Variants in RTF2 observed in about 807,000 individuals in gnomAD.
RTF2 encodes the protein replication termination factor 2, also known as UPF0549 protein C20orf43.
RTF2 carries 18 observed loss-of-function variants against 38.0 expected under a neutral mutation model. The observed-to-expected ratio is 0.47, with a 90% confidence interval of 0.33 to 0.70. The LOEUF (loss-of-function observed/expected upper bound fraction) is 0.70, where lower values mean the gene tolerates loss of function less well. RTF2 is among the 30% of genes least tolerant of loss of function. The pLI, the probability that RTF2 is intolerant of heterozygous loss-of-function variation, is 0.02. For synonymous variants in RTF2, 126 were observed against 137.1 expected (o/e 0.92, Z 0.57); for missense variants, 311 against 379.6 (o/e 0.82, Z 1.50).
chr20:56,481,801 T>C (rs1228942793), intron 4 of RTF2, among the ~76,000 whole-genome samples: 1 of 152,192 alleles, frequency 6.6e-6, no homozygotes, highest in Non-Finnish European at 1.5e-5. Flanking sequence ...CTCTGCCCAT[T>C]ACATAGGTAC....
intron 1 of RTF2, among the ~76,000 whole-genome samples, chr20:56,469,172 C>T (rs1448135328): frequency 6.6e-6 from 1 of 152,182 alleles, no homozygotes; most frequent in Non-Finnish European, 1.5e-5. Context: ...TATACACTAA[C>T]TTCATTTGCT....
chr20:56,480,385 A>C (rs897073264), intron 4 of RTF2, among the ~76,000 whole-genome samples: 1 of 152,232 alleles, frequency 6.6e-6, no homozygotes, highest in South Asian at 2.1e-4. Context: ...GCTCTGGGTT[A>C]GGCTTTGGCT....
At chr20:56,496,489 A>T in intron 5 of RTF2, 1 of 789,906 alleles carries the variant, frequency 1.3e-6, no homozygotes, top group Non-Finnish European at 1.9e-6. Context: ...TGGAGCTTGC[A>T]GTGAGCCGAG....
At chr20:56,481,437 A>G (rs934080970) in intron 4 of RTF2, among the ~76,000 whole-genome samples, 3 of 152,204 alleles carry the variant, frequency 2.0e-5, no homozygotes, top group Non-Finnish European at 1.5e-5. Flanking sequence ...TTAGGGTCCA[A>G]GGACCTTTTG....
At chr20:56,491,704 G>C in intron 5 of RTF2, 1 of 1,552,296 alleles carries the variant, frequency 6.4e-7, no homozygotes, top group South Asian at 1.2e-5. Flanking sequence ...GTTCGAATTT[G>C]TTGGCAAACA....
chr20:56,491,356 G>T, intron 5 of RTF2: 1 of 572,194 alleles, frequency 1.7e-6, no homozygotes, highest in Non-Finnish European at 3.1e-6. Context: ...GTGGTAGCTT[G>T]AGTTTTTTTG....
intron 5 of RTF2, among the ~76,000 whole-genome samples, chr20:56,503,317 A>G (rs1254435358): frequency 2.0e-5 from 3 of 152,206 alleles, no homozygotes; most frequent in Non-Finnish European, 2.9e-5. Context: ...TAAAACATGT[A>G]TAAATTATTT....
intron 5 of RTF2, among the ~76,000 whole-genome samples, chr20:56,489,971 T>C (rs1390652848): frequency 6.6e-6 from 1 of 152,214 alleles, no homozygotes; most frequent in Non-Finnish European, 1.5e-5. Flanking sequence ...GTCATGGGGC[T>C]CTTGTGTTCT....
At chr20:56,493,302 T>C (rs2146340057) in intron 5 of RTF2, among the ~76,000 whole-genome samples, 1 of 152,344 alleles carries the variant, frequency 6.6e-6, no homozygotes, top group South Asian at 2.1e-4. Context: ...AAATTTTACC[T>C]GATAGACATA....
chr20:56,516,917 TTCTC>T lies in RTF2; in HGVS notation c.592-16_592-13del. 6.2e-7 allele frequency: 1 copy of T among 1,612,802 alleles called. No homozygotes were observed. Among genetic ancestry groups the T allele is most frequent in the Non-Finnish European group, 8.5e-7 (1 of 1,178,868 alleles). On this transcript the variant is annotated splice_polypyrimidine_tract_variant and intron_variant, in intron 6 of 8. Coordinates refer to ENST00000357348, the MANE Select transcript of RTF2 (RefSeq NM_016407.5). Reference sequence around the variant, plus strand: ...GTGAATCTGAGCACAGCCTCCAACATTCTCTATCTTTTTGTAGAAAACAAAGAAA... The same window carrying T: ...GTGAATCTGAGCACAGCCTCCAACATTATCTTTTTGTAGAAAACAAAGAAA...
At chr20:56,488,390 G>A (rs1982904967) in intron 5 of RTF2, among the ~76,000 whole-genome samples, 1 of 150,636 alleles carries the variant, frequency 6.6e-6, no homozygotes, top group South Asian at 2.1e-4. Context: ...GTAGAGTACT[G>A]GAGTTGTGAT....
At chr20:56,507,811 A>G (rs1315192533) in intron 5 of RTF2, among the ~76,000 whole-genome samples, 1 of 152,140 alleles carries the variant, frequency 6.6e-6, no homozygotes, top group Non-Finnish European at 1.5e-5. Context: ...ACTGGGCCTT[A>G]ACTACCACCT....
rs780143354 is a variant in RTF2 at position 56,513,380 on chromosome 20, G to T, written c.543G>T (p.Val181=). The T allele has an allele frequency of 8.7e-6, 14 of 1,608,840 alleles. No homozygotes were observed. The highest frequency in any genetic ancestry group is 6.7e-5 in the South Asian group (6 of 89,510). Residue 181 remains valine (V), a synonymous_variant, in exon 6 of 9, where the codon GTG becomes GTT. Coordinates refer to ENST00000357348, the MANE Select transcript of RTF2 (RefSeq NM_016407.5). The part of the protein sequence containing the change: ...MLNGTKEDVD[V]LKTRMEERRL... Reference sequence around the variant, plus strand: ...ATGGCACCAAGGAGGATGTGGACGTGCTGAAGACAAGGATGGAGGAGAGAA... The same window carrying T: ...ATGGCACCAAGGAGGATGTGGACGTTCTGAAGACAAGGATGGAGGAGAGAA...
At chr20:56,505,490 A>AATAAT (rs1555812437) in intron 5 of RTF2, among the ~76,000 whole-genome samples, 1 of 146,948 alleles carries the variant, frequency 6.8e-6, no homozygotes, top group South Asian at 2.1e-4. Flanking sequence ...GCCATCTCAT[A>AATAAT]ATAATAATAA....
intron 6 of RTF2, 110 bp from the exon 7 acceptor site, chr20:56,516,825 T>G: frequency 1.1e-6 from 1 of 898,182 alleles, no homozygotes; most frequent in South Asian, 1.5e-5. Context: ...CTGTCTCATG[T>G]GACTAGCATC....
chr20:56,503,205 CAAT>C (rs1342510764), intron 5 of RTF2, among the ~76,000 whole-genome samples: 3 of 152,218 alleles, frequency 2.0e-5, no homozygotes, highest in Admixed American at 6.5e-5. Flanking sequence ...AATGTTAGCA[CAAT>C]GTTTTCTTGA....
rs774678552 is a variant in RTF2, at chr20:56,474,766, A to G, written c.253A>G (p.Ile85Val). Residue 85 changes from isoleucine (I) to valine (V), a missense_variant, in exon 3 of 9, where the codon ATT becomes GTT. Physicochemically the swap from Ile to Val is conservative, Grantham distance 29. Coordinates refer to ENST00000357348, the MANE Select transcript of RTF2 (RefSeq NM_016407.5). ...GAAGGCAGCATCTCACATTAAAAGCATTAAGGTAACACGAGTGATTCTGAA... is the reference window on the plus strand; with the variant it reads ...GAAGGCAGCATCTCACATTAAAAGCGTTAAGGTAACACGAGTGATTCTGAA... ...LGKAASHIKS[I>V]KNVTELKLSD... The G allele has an allele frequency of 4.4e-6, 7 of 1,598,148 alleles. No individual in the cohort carries two copies. Among genetic ancestry groups the G allele is most frequent in the Non-Finnish European group, 6.0e-6 (7 of 1,168,640 alleles).
intron 3 of RTF2, among the ~76,000 whole-genome samples, chr20:56,475,182 A>G (rs1176041020): frequency 6.6e-6 from 1 of 152,256 alleles, no homozygotes; most frequent in Non-Finnish European, 1.5e-5. Flanking sequence ...AAGTTCTTTC[A>G]TAAAAGTTGA....
chr20:56,485,338 A>G (rs551929882), intron 5 of RTF2, among the ~76,000 whole-genome samples: 18 of 152,282 alleles, frequency 1.2e-4, no homozygotes, highest in Admixed American at 3.9e-4. Context: ...AGTTCAGTGA[A>G]CAGAAAGTGT....
Sources: allele counts gnomAD v4.1 joint callset (sites outside exome capture counted in the v4.1 genomes callset), GRCh38; gene constraint gnomAD v4.1.1; transcripts MANE v1.5; gene names NCBI Gene and HGNC (gene_info 2026-07-23, HGNC 2026-07-21).